Variants in CEP170 observed in about 807,000 individuals in gnomAD.
The protein encoded by CEP170 is centrosomal protein of 170 kDa.
In CEP170, 21 loss-of-function variants were observed where a neutral mutation model predicts 151.9. The ratio of observed to expected loss-of-function variants is 0.14; its 90% CI spans 0.10 to 0.20. The LOEUF is 0.20. CEP170 is among the 10% of genes least tolerant of loss of function. The pLI is 1.00. For synonymous variants in CEP170, 356 were observed against 648.8 expected (o/e 0.55, Z 6.86); for missense variants, 964 against 1,892.9 (o/e 0.51, Z 9.11).
chr1:243,151,716 TCTAG>T (rs1181858141), intron 14 of CEP170, among the ~76,000 whole-genome samples: 1 of 152,228 alleles, frequency 6.6e-6, no homozygotes, highest in African/African-American at 2.4e-5. Context: ...ATCCAGAAGA[TCTAG>T]CTAAGATAAT....
chr1:243,189,351 T>C (rs2060138894), intron 8 of CEP170, among the ~76,000 whole-genome samples: 1 of 151,722 alleles, frequency 6.6e-6, no homozygotes. Context: ...GGTCAGGAGA[T>C]CAAGACCATC....
intron 10 of CEP170, among the ~76,000 whole-genome samples, chr1:243,179,703 G>A (rs2059496305): frequency 6.6e-6 from 1 of 152,138 alleles, no homozygotes; most frequent in Non-Finnish European, 1.5e-5. Flanking sequence ...TGAAAAAGCA[G>A]GTCACAAATT....
chr1:243,241,022 TAA>T (rs1173717519), intron 1 of CEP170, among the ~76,000 whole-genome samples: 1 of 152,192 alleles, frequency 6.6e-6, no homozygotes, highest in Non-Finnish European at 1.5e-5. Context: ...ACAAAGTGCT[TAA>T]TATTCCATTT....
At position 243,164,088 on chromosome 1, in the gene CEP170, T is replaced by C. The variant is rs574604610; in HGVS notation, c.3676+196A>G. On this transcript the variant is annotated intron_variant, in intron 13 of 19. Coordinates refer to ENST00000366542, the MANE Select transcript of CEP170 (RefSeq NM_014812.3). Reference sequence around the variant, plus strand: ...GACTCTAATTGGAAGTATGTATAACTTCTGATTTTCCATTTACTATGCTAA... The same window carrying C: ...GACTCTAATTGGAAGTATGTATAACCTCTGATTTTCCATTTACTATGCTAA... Among the ~76,000 whole-genome samples, 298 of 152,288 alleles carry C rather than the reference T, an allele frequency of 2.0e-3. 2 individuals carry two copies. Among genetic ancestry groups the C allele is most frequent in the African/African-American group, 6.9e-3 (285 of 41,556 alleles).
At chr1:243,222,165 A>G in intron 2 of CEP170, among the ~76,000 whole-genome samples, 1 of 152,316 alleles carries the variant, frequency 6.6e-6, no homozygotes, top group East Asian at 1.9e-4. Context: ...TACATATCTT[A>G]TTGTAAAAAA....
In CEP170 at chr1:243,164,499, C is replaced by T. The variant is rs1378633949; in HGVS notation, c.3461G>A (p.Arg1154His). 15 of 1,610,488 alleles carry T rather than the reference C, an allele frequency of 9.3e-6. No individual in the cohort carries two copies. The highest frequency in any genetic ancestry group is 1.1e-5 in the South Asian group (1 of 90,730). The change falls in exon 13 of 20, where the codon CGT becomes CAT. Residue 1154 changes from arginine (R) to histidine (H), a missense_variant. Arg to His is a conservative substitution (Grantham distance 29). Transcript: ENST00000366542. ...TGACAGTGAGCCAAGTCGTGTTCTA[C>T]GAGGCTGAGCCAATAAATCAATCCG... ...ISRIDLLAQP[R>H]RTRLGSLSAR...
At chr1:243,161,971 C>T (rs2058100606) in intron 13 of CEP170, among the ~76,000 whole-genome samples, 2 of 152,110 alleles carry the variant, frequency 1.3e-5, no homozygotes, top group African/African-American at 4.8e-5. Context: ...ATAGTATGTT[C>T]TCACTGAAGG....
intron 14 of CEP170, among the ~76,000 whole-genome samples, chr1:243,151,203 C>T (rs1163420199): frequency 1.3e-5 from 2 of 152,044 alleles, no homozygotes; most frequent in Non-Finnish European, 1.5e-5. Context: ...ATCCTTTAGG[C>T]ATGTTGGTGT....
intron 14 of CEP170, among the ~76,000 whole-genome samples, chr1:243,154,311 G>T (rs1298204551): frequency 2.6e-5 from 4 of 152,222 alleles, no homozygotes; most frequent in Non-Finnish European, 5.9e-5. Context: ...AGTCTTTTAG[G>T]TGACAGTAGT....
In CEP170 at chr1:243,137,779, TAA is replaced by T. The variant is rs773221196; in HGVS notation, c.4231-1550_4231-1549del. On this transcript the variant is annotated intron_variant, in intron 16 of 19. Transcript: ENST00000366542. Reference sequence around the variant, plus strand: ...ACAAAGCGAGACTCCCTCTCAAAATTAAAAAAAAAAAAAAAAAAGAATTCTAA... The same window carrying T: ...ACAAAGCGAGACTCCCTCTCAAAATTAAAAAAAAAAAAAAAAGAATTCTAA... Among the ~76,000 whole-genome samples, 437 of 96,832 alleles carry T rather than the reference TAA, an allele frequency of 4.5e-3. 2 individuals are homozygous for T. The highest frequency in any genetic ancestry group is 0.012 in the African/African-American group (345 of 28,016). 63.5% of individuals were successfully genotyped at this position (96,832 alleles called of 152,430 possible). A position where few individuals can be genotyped will look rare whatever the true frequency, so the allele number is the denominator to read the frequency against.
chr1:243,145,690 A>G (rs1248925864), intron 14 of CEP170, among the ~76,000 whole-genome samples: 3 of 152,156 alleles, frequency 2.0e-5, no homozygotes, highest in African/African-American at 7.2e-5. Context: ...ATTACTGGAA[A>G]AAAGCAACTG....
chr1:243,242,208 A>C (rs1558139815), intron 1 of CEP170, among the ~76,000 whole-genome samples: 1 of 152,042 alleles, frequency 6.6e-6, no homozygotes, highest in Non-Finnish European at 1.5e-5. Flanking sequence ...GCCAGATTCT[A>C]GTGATGAGTT....
chr1:243,240,522 G>T (rs537995020), intron 1 of CEP170, among the ~76,000 whole-genome samples: 1 of 152,158 alleles, frequency 6.6e-6, no homozygotes, highest in Admixed American at 6.5e-5. Context: ...CACTTGCGGA[G>T]ATTTTTACAC....
At chr1:243,184,629 A>G (rs2059826440) in intron 10 of CEP170, among the ~76,000 whole-genome samples, 1 of 152,184 alleles carries the variant, frequency 6.6e-6, no homozygotes, top group Non-Finnish European at 1.5e-5. Flanking sequence ...GTGTAGTAAG[A>G]GATTTTATAC....
intron 4 of CEP170, among the ~76,000 whole-genome samples, chr1:243,203,001 T>C (rs1375481465): frequency 6.6e-6 from 1 of 152,150 alleles, no homozygotes; most frequent in Non-Finnish European, 1.5e-5. Flanking sequence ...AGAGGAGCCA[T>C]CCTTCTCAGG....
chr1:243,244,981 T>G (rs1362364992), intron 1 of CEP170, among the ~76,000 whole-genome samples: 1 of 152,142 alleles, frequency 6.6e-6, no homozygotes, highest in Non-Finnish European at 1.5e-5. Flanking sequence ...AAATCTTTGT[T>G]GGGTAAAAAT....
intron 16 of CEP170, among the ~76,000 whole-genome samples, chr1:243,137,838 TAAGG>T (rs1459856619): frequency 2.8e-5 from 4 of 144,804 alleles, no homozygotes; most frequent in African/African-American, 5.1e-5. Flanking sequence ...GTGGCATAAA[TAAGG>T]AAGTGATCAT....
At chr1:243,211,809 T>A in intron 4 of CEP170, 77 bp downstream of exon 4, 1 of 1,507,950 alleles carries the variant, frequency 6.6e-7, no homozygotes, top group Non-Finnish European at 9.0e-7. Context: ...GTGAATTGTG[T>A]TTTAAAAATG....
chr1:243,143,767 A>C (rs1031847804), intron 14 of CEP170, among the ~76,000 whole-genome samples: 3 of 151,690 alleles, frequency 2.0e-5, no homozygotes, highest in Non-Finnish European at 4.4e-5. Flanking sequence ...AGGTCTGGTT[A>C]TATTGCCCAG....
Sources: gnomAD v4.1 joint callset for allele counts (sites outside exome capture counted in the v4.1 genomes callset) on GRCh38, gnomAD v4.1.1 for gene constraint, MANE v1.5 for transcripts, NCBI Gene and HGNC (gene_info 2026-07-23, HGNC 2026-07-21) for gene names.